SNCAIP: variants seen among roughly 807,000 people sequenced by gnomAD.
SNCAIP encodes the protein synphilin-1.
Under a neutral mutation model 86.7 loss-of-function variants are expected in SNCAIP, and 43 were observed. The observed-to-expected ratio is 0.50, with a 90% CI of 0.39 to 0.64. SNCAIP has a LOEUF of 0.64. SNCAIP is among the 30% of genes least tolerant of loss of function. The pLI, the probability that SNCAIP is intolerant of heterozygous loss-of-function variation, is 0.00. For synonymous variants in SNCAIP, 417 were observed against 427.2 expected (o/e 0.98, Z 0.29); for missense variants, 981 against 1,103.1 (o/e 0.89, Z 1.57).
At chr5:122,452,955 T>G in intron 10 of SNCAIP, 7 of 1,549,306 alleles carry the variant, frequency 4.5e-6, no homozygotes, top group Admixed American at 2.0e-5. Flanking sequence ...CAATCTTTCC[T>G]CTAACATGCT....
Position 122,423,549 on chromosome 5 carries a change from T to C in SNCAIP, c.812T>C (p.Val271Ala), listed in dbSNP as rs1776808611. Reference protein sequence around the residue: ...KTFSDPHGRKVEKTTPDCQLR... With the variant: ...KTFSDPHGRKAEKTTPDCQLR... ...TTTAGTGATCCTCATGGTCGAAAAG[T>C]TGAGAAGACAACACCAGACTGCCAG... The change falls in exon 4 of 11, where the codon GTT (valine) becomes GCT (alanine). Residue 271 changes from valine to alanine, a missense_variant. By Grantham distance (64) the Val-to-Ala change is moderately conservative. Coordinates refer to ENST00000261368, the MANE Select transcript of SNCAIP (RefSeq NM_005460.4). The C allele has an allele frequency of 6.2e-7, 1 of 1,614,178 alleles. No individual in the cohort carries two copies. Among genetic ancestry groups the C allele is most frequent in the Non-Finnish European group, 8.5e-7 (1 of 1,180,014 alleles).
At chr5:122,455,098 G>A (rs1784472380) in intron 10 of SNCAIP, among the ~76,000 whole-genome samples, 3 of 152,114 alleles carry the variant, frequency 2.0e-5, no homozygotes. Context: ...ATTTAAATAA[G>A]CATCTTGACC....
At chr5:122,340,366 G>C (rs1164235066) in intron 1 of SNCAIP, among the ~76,000 whole-genome samples, 1 of 152,200 alleles carries the variant, frequency 6.6e-6, no homozygotes, top group Non-Finnish European at 1.5e-5. Flanking sequence ...AACACAGAGA[G>C]CCATCATGTT....
intron 4 of SNCAIP, among the ~76,000 whole-genome samples, chr5:122,424,030 C>T (rs1184748813): frequency 6.6e-6 from 1 of 152,212 alleles, no homozygotes; most frequent in Admixed American, 6.5e-5. Flanking sequence ...TAACTTGAAT[C>T]TCAATGTCTT....
chr5:122,444,505 A>G (rs907768746), intron 7 of SNCAIP, 58 bp from the exon 8 acceptor site: 8 of 1,499,206 alleles, frequency 5.3e-6, no homozygotes, highest in Non-Finnish European at 7.4e-6. Context: ...TGTTACAGTC[A>G]TTAAAAAATA....
At chr5:122,360,130 A>AT (rs1761919025) in intron 1 of SNCAIP, among the ~76,000 whole-genome samples, 1 of 152,048 alleles carries the variant, frequency 6.6e-6, no homozygotes, top group Admixed American at 6.6e-5. Context: ...TCTTTTTTGG[A>AT]TTTTGTTAAC....
intron 1 of SNCAIP, among the ~76,000 whole-genome samples, chr5:122,319,607 C>T (rs1238862127): frequency 3.3e-5 from 5 of 152,158 alleles, no homozygotes; most frequent in African/African-American, 7.2e-5. Context: ...ACACATACCC[C>T]GCTTTGTATT....
chr5:122,399,171 T>C (rs1362247881), intron 2 of SNCAIP, among the ~76,000 whole-genome samples: 1 of 152,146 alleles, frequency 6.6e-6, no homozygotes, highest in Non-Finnish European at 1.5e-5. Flanking sequence ...CTTAAAGTCA[T>C]GGCGGAAATG....
Position 122,378,384 on chromosome 5 carries a change from GTTGT to G in SNCAIP, c.-46-12698_-46-12695del, listed in dbSNP as rs1398479702. 1.1e-4 allele frequency among the ~76,000 whole-genome samples: 14 copies of G among 133,220 alleles called. 1 individual carries two copies. Among genetic ancestry groups the G allele is most frequent in the Admixed American group, 3.6e-4 (5 of 13,852 alleles). 87.4% of individuals were successfully genotyped at this position (133,220 alleles called of 152,430 possible). ...TGTCCTTCGCCCACTTTTTGATGGG[GTTGT>G]TTGTTTTTTTCTTGTAAATTTGTTT... is the stretch of plus-strand genomic sequence containing the variant. On this transcript the variant is annotated intron_variant, in intron 1 of 10. Transcript: ENST00000261368.
At chr5:122,346,913 C>T (rs527635693) in intron 1 of SNCAIP, among the ~76,000 whole-genome samples, 3 of 151,518 alleles carry the variant, frequency 2.0e-5, no homozygotes, top group Non-Finnish European at 4.4e-5. Flanking sequence ...TAAACTGTGA[C>T]GTTCTAAGAG....
chr5:122,376,946 ATCT>A (rs771841449), intron 1 of SNCAIP, among the ~76,000 whole-genome samples: 1 of 152,062 alleles, frequency 6.6e-6, no homozygotes, highest in Non-Finnish European at 1.5e-5. Context: ...CAGGATTCTG[ATCT>A]TCTTCTCTCA....
intron 1 of SNCAIP, among the ~76,000 whole-genome samples, chr5:122,318,962 T>G (rs935723030): frequency 3.6e-4 from 50 of 140,268 alleles, no homozygotes; most frequent in African/African-American, 1.4e-3. Flanking sequence ...GTCACTGTTA[T>G]CATCTTTTTT....
chr5:122,373,713 T>G (rs552916858), intron 1 of SNCAIP, among the ~76,000 whole-genome samples: 22 of 152,358 alleles, frequency 1.4e-4, no homozygotes, highest in African/African-American at 5.3e-4. Flanking sequence ...TTGTTTACTC[T>G]TCTGGTATCA....
At chr5:122,358,095 T>G (rs555524512) in intron 1 of SNCAIP, among the ~76,000 whole-genome samples, 1 of 151,824 alleles carries the variant, frequency 6.6e-6, no homozygotes, top group South Asian at 2.1e-4. Context: ...ATATTCATCT[T>G]TAAACCTTCC....
intron 2 of SNCAIP, among the ~76,000 whole-genome samples, chr5:122,395,218 C>T (rs973731101): frequency 6.6e-6 from 1 of 152,140 alleles, no homozygotes; most frequent in African/African-American, 2.4e-5. Context: ...TAAATGGTAA[C>T]ACCTCAACCT....
At chr5:122,341,894 C>T (rs146018442) in intron 1 of SNCAIP, among the ~76,000 whole-genome samples, 155 of 152,256 alleles carry the variant, frequency 1.0e-3, no homozygotes, top group African/African-American at 3.3e-3. Flanking sequence ...TCCTTTGTCT[C>T]TCACAAATCC....
chr5:122,348,397 G>A (rs1046710931), intron 1 of SNCAIP, among the ~76,000 whole-genome samples: 12 of 152,044 alleles, frequency 7.9e-5, no homozygotes, highest in South Asian at 4.1e-4. Context: ...TGCCCTCATC[G>A]TCTGAGTCCC....
chr5:122,392,338 G>A (rs1468170437), intron 2 of SNCAIP, among the ~76,000 whole-genome samples: 2 of 151,890 alleles, frequency 1.3e-5, no homozygotes, highest in South Asian at 4.2e-4. Flanking sequence ...AAACCAATGT[G>A]GAGTGAGCTT....
At chr5:122,360,108 C>T (rs1761912925) in intron 1 of SNCAIP, among the ~76,000 whole-genome samples, 1 of 152,188 alleles carries the variant, frequency 6.6e-6, no homozygotes, top group Non-Finnish European at 1.5e-5. Flanking sequence ...CCTGAAACCA[C>T]TTTTCCAGCA....
Sources: allele counts gnomAD v4.1 joint callset (sites outside exome capture counted in the v4.1 genomes callset), GRCh38; gene constraint gnomAD v4.1.1; transcripts MANE v1.5; gene names NCBI Gene and HGNC (gene_info 2026-07-23, HGNC 2026-07-21).